ANLN: variants seen among roughly 807,000 people sequenced by gnomAD.
The protein encoded by ANLN is anillin, actin binding protein.
In ANLN, 59 loss-of-function variants were observed where a neutral mutation model predicts 135.1. The ratio of observed to expected loss-of-function variants is 0.44; its 90% CI spans 0.35 to 0.54. ANLN has a LOEUF of 0.54. ANLN is among the 20% of genes least tolerant of loss of function. The pLI, the probability that ANLN is intolerant of heterozygous loss-of-function variation, is 0.00. For missense variants in ANLN, 1,182 were observed against 1,340.0 expected, an observed-to-expected ratio of 0.88 and a Z score of 1.84; for synonymous variants, 406 against 456.4, an observed-to-expected ratio of 0.89 and a Z score of 1.41.
chr7:36,391,789 A>G (rs1052946038), intron 1 of ANLN, among the ~76,000 whole-genome samples: 2 of 152,204 alleles, frequency 1.3e-5, no homozygotes, highest in African/African-American at 4.8e-5. Context: ...AAACATAGGA[A>G]ATAAGTCTAT....
intron 20 of ANLN, among the ~76,000 whole-genome samples, chr7:36,429,770 A>G (rs1788238639): frequency 6.6e-6 from 1 of 152,214 alleles, no homozygotes; most frequent in South Asian, 2.1e-4. Flanking sequence ...TCAATGACAT[A>G]TCTTAAATAT....
In ANLN at chr7:36,399,258, G is replaced by A; in HGVS notation, c.352G>A (p.Ala118Thr). 1 of 1,614,152 alleles carries A rather than the reference G, an allele frequency of 6.2e-7. No homozygotes were observed. Among genetic ancestry groups the A allele is most frequent in the South Asian group, 1.1e-5 (1 of 91,084 alleles). ...AGCAGATACCATCAGTGATTCTGTT[G>A]CTGTCCCGGCATCACTGCTGGGCAT... ...QAADTISDSVAVPASLLGMRR... is the reference protein window; with the variant it reads ...QAADTISDSVTVPASLLGMRR... Residue 118 changes from alanine (A) to threonine (T), a missense_variant, in exon 3 of 24, where the codon GCT becomes ACT. By Grantham distance (58) the Ala-to-Thr change is moderately conservative (BLOSUM62 0). Around this residue, in one of 3 missense-constraint regions of ANLN, gnomAD observed 1,022 missense variants for 1,134.0 expected, o/e 0.90. Transcript: ENST00000265748.
intron 2 of ANLN, among the ~76,000 whole-genome samples, chr7:36,397,729 A>G (rs1421294149): frequency 6.6e-6 from 1 of 152,192 alleles, no homozygotes; most frequent in African/African-American, 2.4e-5. Context: ...CTTGGGCAAC[A>G]TAGCAAAACC....
At chr7:36,416,931 A>G in intron 8 of ANLN, 149 bp from the exon 9 acceptor site, 2 of 510,896 alleles carry the variant, frequency 3.9e-6, no homozygotes, top group Non-Finnish European at 7.0e-6. Flanking sequence ...GTGTTCAGGG[A>G]GGGGTGTTTC....
intron 15 of ANLN, 27 bp from the exon 16 acceptor site, chr7:36,424,518 G>C (rs760568832): frequency 1.3e-6 from 2 of 1,572,516 alleles, no homozygotes; most frequent in Non-Finnish European, 1.7e-6. Context: ...TTCTCTCAAG[G>C]TTTTACTTAA....
chr7:36,415,245 C>T (rs554562199), intron 7 of ANLN, among the ~76,000 whole-genome samples: 1 of 152,166 alleles, frequency 6.6e-6, no homozygotes, highest in African/African-American at 2.4e-5. Context: ...TCTGTTTTGT[C>T]CTTGTTTTCT....
At chr7:36,448,267 C>G (rs1413961295) in intron 22 of ANLN, among the ~76,000 whole-genome samples, 1 of 152,148 alleles carries the variant, frequency 6.6e-6, no homozygotes, top group Non-Finnish European at 1.5e-5. Context: ...CGCCTGCCTC[C>G]ACCTCCTGAA....
At position 36,406,338 on chromosome 7, in the gene ANLN, T is replaced by A. The variant is rs866710441; in HGVS notation, c.645T>A (p.Asp215Glu). Residue 215 changes from aspartate (D) to glutamate (E), a missense_variant, in exon 4 of 24, where the codon GAT becomes GAA. By Grantham distance (45) the Asp-to-Glu change is conservative (BLOSUM62 2). This residue lies in a region of ANLN where 1,022 missense variants were observed against 1,134.0 expected (regional missense o/e 0.90). Coordinates refer to ENST00000265748, the MANE Select transcript of ANLN (RefSeq NM_018685.5). Reference sequence around the variant, plus strand: ...CAACTATTTGCTCCTGGGAAGATGATGTAAATCACTCATTTGCAAAACAAA... The same window carrying A: ...CAACTATTTGCTCCTGGGAAGATGAAGTAAATCACTCATTTGCAAAACAAA... Reference protein sequence around the residue: ...LAATICSWEDDVNHSFAKQNS... With the variant: ...LAATICSWEDEVNHSFAKQNS... The A allele has an allele frequency of 6.2e-7, 1 of 1,614,202 alleles. No individual in the cohort carries two copies. Among genetic ancestry groups the A allele is most frequent in the Admixed American group, 1.7e-5 (1 of 60,022 alleles).
At position 36,390,078 on chromosome 7, in the gene ANLN, C is replaced by T. The variant is rs186842944; in HGVS notation, c.18+34C>T. ...GTTTGCGGGTGCAGCCAGCCATGAC[C>T]CACCGCTCTAGGCCCCCACCCACCT... On this transcript the variant is annotated intron_variant, in intron 1 of 23. Transcript: ENST00000265748. 103 of 1,613,070 alleles carry T rather than the reference C, an allele frequency of 6.4e-5. No individual in the cohort carries two copies. The East Asian group carries it at 2.3e-3, about 36-fold the overall frequency.
rs1368263658 is a variant in ANLN, at chr7:36,452,765, T to C, written c.*165T>C. 4 of 693,670 alleles carry C rather than the reference T, an allele frequency of 5.8e-6. No homozygotes were observed. The highest frequency in any genetic ancestry group is 1.8e-5 in the African/African-American group (1 of 55,974). The allele number at this position is 693,670 out of a possible 1,614,324, so 43.0% of individuals were successfully genotyped here. A position where few individuals can be genotyped will look rare whatever the true frequency, so the allele number is the denominator to read the frequency against. On this transcript the variant is annotated 3_prime_UTR_variant, in exon 24 of 24. Coordinates refer to ENST00000265748, the MANE Select transcript of ANLN (RefSeq NM_018685.5). ...TTTATATCTTTTGTATGTAAAACTT[T>C]AACTGATTTCTGTCATTCATCAATG...
intron 7 of ANLN, among the ~76,000 whole-genome samples, chr7:36,411,699 G>T (rs1288511435): frequency 6.6e-6 from 1 of 152,206 alleles, no homozygotes; most frequent in Non-Finnish European, 1.5e-5. Flanking sequence ...TAAGCTAATA[G>T]AATTATATTT....
intron 7 of ANLN, among the ~76,000 whole-genome samples, chr7:36,411,713 G>A (rs1323240842): frequency 6.6e-6 from 1 of 152,216 alleles, no homozygotes; most frequent in African/African-American, 2.4e-5. Context: ...TATATTTACA[G>A]TGGGGACTAA....
chr7:36,424,049 C>A, intron 15 of ANLN, 106 bp downstream of exon 15: 1 of 1,156,350 alleles, frequency 8.6e-7, no homozygotes, highest in Non-Finnish European at 1.2e-6. Context: ...ACGCCTTATG[C>A]ACATTCTTTT....
At position 36,399,272 on chromosome 7, in the gene ANLN, A is replaced by G. The variant is rs751069997; in HGVS notation, c.366A>G (p.Ser122=). The stretch of plus-strand genomic sequence containing the variant: ...GTGATTCTGTTGCTGTCCCGGCATC[A>G]CTGCTGGGCATGAGGAGAGGGCTGA... ...TISDSVAVPA[S]LLGMRRGLNS... The change falls in exon 3 of 24, where the codon TCA becomes TCG. Residue 122 remains serine (S), a synonymous_variant. Transcript: ENST00000265748. 5.0e-6 allele frequency: 8 copies of G among 1,614,040 alleles called. No homozygotes were observed. The highest frequency in any genetic ancestry group is 3.4e-6 in the Non-Finnish European group (4 of 1,180,034).
At position 36,420,446 on chromosome 7, in the gene ANLN, C is replaced by T. The variant is rs1562802733; in HGVS notation, c.2015+132C>T. 3 of 1,316,200 alleles carry T rather than the reference C, an allele frequency of 2.3e-6. No individual in the cohort carries two copies. In the East Asian group the frequency reaches 7.0e-5, roughly 31 times the overall value. 81.5% of individuals were successfully genotyped at this position (1,316,200 alleles called of 1,614,324 possible). On this transcript the variant is annotated intron_variant, in intron 11 of 23. Transcript: ENST00000265748. ...AAAAGTTTGGAATAACTTTTGTTAG[C>T]CTCTCTTTCACCAAATGAGAGTTCC...
chr7:36,390,372 C>T lies in ANLN; in HGVS notation c.18+328C>T, dbSNP rs1786387999. On this transcript the variant is annotated intron_variant, in intron 1 of 23. Transcript: ENST00000265748. The stretch of plus-strand genomic sequence containing the variant: ...GCAGCAAGAGTGAGGCGCAGGCCTG[C>T]GGAACGGGTCCTGCTGGAAGCAGCT... The T allele has an allele frequency of 1.3e-5, 5 of 382,948 alleles. No homozygotes were observed. The East Asian group carries it at 2.2e-4, about 17-fold the overall frequency. The allele number at this position is 382,948 out of a possible 1,614,324, so 23.7% of individuals were successfully genotyped here.
rs768602522 is a variant in ANLN, at chr7:36,419,475, C to T, written c.1865C>T (p.Pro622Leu). Reference sequence around the variant, plus strand: ...GCACAAACAGTTGGTGTGGTAAGTCCAGAGGTAAGAAAAGGCTAACTAAAC... The same window carrying T: ...GCACAAACAGTTGGTGTGGTAAGTCTAGAGGTAAGAAAAGGCTAACTAAAC... Reference protein sequence around the residue: ...PLAQTVGVVSPESLVSTPRLE... With the variant: ...PLAQTVGVVSLESLVSTPRLE... The change falls in exon 10 of 24, where the codon CCA (proline) becomes CTA (leucine). Residue 622 changes from proline to leucine, a missense_variant. Physicochemically the swap from Pro to Leu is moderately conservative, Grantham distance 98. Coordinates refer to ENST00000265748, the MANE Select transcript of ANLN (RefSeq NM_018685.5). The T allele has an allele frequency of 5.0e-6, 8 of 1,612,764 alleles. No individual in the cohort carries two copies. The highest frequency in any genetic ancestry group is 3.3e-5 in the South Asian group (3 of 91,042).
chr7:36,410,803 G>C, intron 6 of ANLN, 99 bp downstream of exon 6: 1 of 1,261,786 alleles, frequency 7.9e-7, no homozygotes, highest in Non-Finnish European at 1.1e-6. Flanking sequence ...ACTGAGATAA[G>C]TAGCATCTTG....
intron 20 of ANLN, among the ~76,000 whole-genome samples, chr7:36,432,111 A>G (rs1788356366): frequency 3.3e-5 from 5 of 152,186 alleles, no homozygotes; most frequent in Admixed American, 2.6e-4. Context: ...AGCCCTAGCT[A>G]TTCAGAAGGC....
Sources: allele counts gnomAD v4.1 joint callset (sites outside exome capture counted in the v4.1 genomes callset), GRCh38; gene constraint gnomAD v4.1.1; regional missense constraint gnomAD v4.1.1; transcripts MANE v1.5; gene names NCBI Gene and HGNC (gene_info 2026-07-23, HGNC 2026-07-21).